The following EBF1 variants were observed in gnomAD, a reference collection of about 807,000 sequenced individuals.
EBF1 encodes transcription factor COE1.
In EBF1, 10 loss-of-function variants were observed where a neutral mutation model predicts 68.4. The ratio of observed to expected loss-of-function variants is 0.15; its 90% CI spans 0.09 to 0.25. EBF1 has a LOEUF of 0.25. Among genes scored for constraint, EBF1 ranks in the 10% least tolerant of loss-of-function variants. EBF1 has a pLI of 1.00. For synonymous variants in EBF1, 298 were observed against 299.8 expected, an observed-to-expected ratio of 0.99 and a Z score of 0.06; for missense variants, 509 against 794.4, an observed-to-expected ratio of 0.64 and a Z score of 4.32.
intron 15 of EBF1, among the ~76,000 whole-genome samples, chr5:158,701,574 C>G (rs568702735): frequency 9.9e-5 from 15 of 152,276 alleles, no homozygotes; most frequent in Non-Finnish European, 1.5e-4. Context: ...GTGAGTGAAT[C>G]CCCTGGGTGC....
chr5:158,762,482 C>T (rs539540474), intron 10 of EBF1, among the ~76,000 whole-genome samples: 1 of 152,288 alleles, frequency 6.6e-6, no homozygotes, highest in South Asian at 2.1e-4. Flanking sequence ...ACACAAGCCC[C>T]AAATAAGGTT....
intron 6 of EBF1, among the ~76,000 whole-genome samples, chr5:158,840,395 T>C (rs1205576674): frequency 1.3e-5 from 2 of 152,302 alleles, no homozygotes; most frequent in Non-Finnish European, 2.9e-5. Flanking sequence ...GCTTTCATCA[T>C]AATTTAAGTT....
chr5:158,986,628 A>G (rs1409823889), intron 6 of EBF1, among the ~76,000 whole-genome samples: 1 of 152,246 alleles, frequency 6.6e-6, no homozygotes, highest in Non-Finnish European at 1.5e-5. Context: ...TATTCTGCCG[A>G]CCAAGCCAAA....
rs17056225 is a variant in EBF1, at chr5:158,790,717, T to C, written c.909+5628A>G. On this transcript the variant is annotated intron_variant, in intron 9 of 15. Transcript: ENST00000313708. ...AATATCCTGAAGAACTAGTCTTCCA[T>C]AACATTATCTAGAAGACGAATTAGG... Among the ~76,000 whole-genome samples, 1,318 of 152,280 alleles carry C rather than the reference T, an allele frequency of 8.7e-3. 22 individuals are homozygous for C. The highest frequency in any genetic ancestry group is 0.03 in the African/African-American group (1,264 of 41,552).
At position 159,099,655 on chromosome 5, in the gene EBF1, A is replaced by T. The variant is rs1346541424; in HGVS notation, c.-177T>A. On this transcript the variant is annotated 5_prime_UTR_variant, in exon 1 of 16. Transcript: ENST00000313708. Reference sequence around the variant, plus strand: ...AAGGCGGGCTGGAAAGCAAATTTTTAAAAAATGTAAACCTCTGCTCAAAAC... The same window carrying T: ...AAGGCGGGCTGGAAAGCAAATTTTTTAAAAATGTAAACCTCTGCTCAAAAC... The T allele has an allele frequency of 3.6e-5, 27 of 752,060 alleles. No individual in the cohort carries two copies. The highest frequency in any genetic ancestry group is 4.4e-5 in the Non-Finnish European group (23 of 519,302). The allele number at this position is 752,060 out of a possible 1,614,324, so 46.6% of individuals were successfully genotyped here. A position where few individuals can be genotyped will look rare whatever the true frequency, so the allele number is the denominator to read the frequency against.
chr5:159,051,257 G>C (rs1207521965), intron 6 of EBF1, among the ~76,000 whole-genome samples: 1 of 151,788 alleles, frequency 6.6e-6, no homozygotes, highest in Non-Finnish European at 1.5e-5. Flanking sequence ...GATGTCACGG[G>C]GAGGGCACAA....
chr5:159,044,488 G>A (rs1415167202), intron 6 of EBF1, among the ~76,000 whole-genome samples: 1 of 152,106 alleles, frequency 6.6e-6, no homozygotes, highest in Non-Finnish European at 1.5e-5. Flanking sequence ...GTGTAGGAGT[G>A]GAGGAAGTGG....
intron 8 of EBF1, among the ~76,000 whole-genome samples, chr5:158,811,016 C>CT (rs71285026): frequency 0.075 from 11,429 of 151,998 alleles, 488 homozygotes; most frequent in South Asian, 0.11. Flanking sequence ...AGGTAAATCT[C>CT]TTTTTTTTGA....
chr5:159,049,572 C>G (rs1302496111), intron 6 of EBF1, among the ~76,000 whole-genome samples: 1 of 152,186 alleles, frequency 6.6e-6, no homozygotes. Flanking sequence ...AATGTAAAAA[C>G]TTTCTCTTTG....
chr5:158,822,523 A>C (rs887156983), intron 8 of EBF1, among the ~76,000 whole-genome samples: 1 of 152,212 alleles, frequency 6.6e-6, no homozygotes, highest in African/African-American at 2.4e-5. Context: ...CTGATTAGCC[A>C]TAATTCTCAA....
intron 6 of EBF1, among the ~76,000 whole-genome samples, chr5:158,880,275 C>T (rs1283721532): frequency 6.6e-6 from 1 of 152,122 alleles, no homozygotes; most frequent in Non-Finnish European, 1.5e-5. Context: ...GTGACTTGCT[C>T]ACAAGGGTTA....
At chr5:159,095,489 T>C (rs1016277200) in intron 4 of EBF1, 131 bp downstream of exon 4, 6 of 995,172 alleles carry the variant, frequency 6.0e-6, no homozygotes, top group Non-Finnish European at 7.5e-6. Context: ...GCCGTGCAAG[T>C]TTGGTCTGAG....
intron 6 of EBF1, among the ~76,000 whole-genome samples, chr5:158,937,429 A>C (rs1460412103): frequency 6.6e-6 from 1 of 152,184 alleles, no homozygotes; most frequent in Non-Finnish European, 1.5e-5. Context: ...GGAGCTACTT[A>C]TAAGGGTTCC....
At chr5:158,730,086 A>G (rs1378033031) in intron 11 of EBF1, among the ~76,000 whole-genome samples, 1 of 152,266 alleles carries the variant, frequency 6.6e-6, no homozygotes, top group African/African-American at 2.4e-5. Context: ...TAGAAATGGC[A>G]TATCTCTAGA....
At chr5:158,776,635 C>G (rs1033808954) in intron 10 of EBF1, among the ~76,000 whole-genome samples, 2 of 152,136 alleles carry the variant, frequency 1.3e-5, no homozygotes, top group African/African-American at 4.8e-5. Flanking sequence ...GGCCCAGAAC[C>G]GCACTCCACC....
intron 6 of EBF1, among the ~76,000 whole-genome samples, chr5:159,038,926 G>A (rs188669135): frequency 8.5e-5 from 13 of 152,260 alleles, no homozygotes; most frequent in South Asian, 4.1e-4. Flanking sequence ...ATGGAGAGGC[G>A]ATTTCCTTCC....
chr5:158,826,597 T>C (rs1322883281), intron 7 of EBF1, among the ~76,000 whole-genome samples: 2 of 152,202 alleles, frequency 1.3e-5, no homozygotes, highest in Non-Finnish European at 2.9e-5. Flanking sequence ...TATACATATA[T>C]GCTTTAATCA....
Position 158,726,865 on chromosome 5 carries a change from G to GGT in EBF1, c.1125+4203_1125+4204insAC, listed in dbSNP as rs1561754106. On this transcript the variant is annotated intron_variant, in intron 11 of 15. Coordinates refer to ENST00000313708, the MANE Select transcript of EBF1 (RefSeq NM_024007.5). ...TTTCCCGCGTGCTAGCTGTGATGTC[G>GGT]TAGCAAGTCACTCAGATCTCTGGGG... 2.6e-5 allele frequency among the ~76,000 whole-genome samples: 4 copies of GGT among 152,200 alleles called. No homozygotes were observed. The East Asian group carries it at 7.7e-4, about 29-fold the overall frequency.
chr5:159,054,558 T>C (rs972833455), intron 6 of EBF1, among the ~76,000 whole-genome samples: 3 of 152,204 alleles, frequency 2.0e-5, no homozygotes, highest in African/African-American at 7.2e-5. Flanking sequence ...TATACTGTAT[T>C]GTCACTCACA....
Sources: allele counts gnomAD v4.1 joint callset (sites outside exome capture counted in the v4.1 genomes callset), GRCh38; gene constraint gnomAD v4.1.1; transcripts MANE v1.5; gene names NCBI Gene and HGNC (gene_info 2026-07-23, HGNC 2026-07-21).